The following CHD1L variants were observed in gnomAD, a reference collection of about 807,000 sequenced individuals.
CHD1L encodes chromodomain helicase DNA binding protein 1 like.
In CHD1L, 118 loss-of-function variants were observed where a neutral mutation model predicts 115.9. The ratio of observed to expected loss-of-function variants is 1.02; its 90% CI spans 0.88 to 1.19. The LOEUF (loss-of-function observed/expected upper bound fraction) is 1.19. Among genes scored for constraint, CHD1L ranks in the 50% most tolerant of loss-of-function variants. The pLI is 0.00. For missense variants in CHD1L, 1,179 were observed against 1,065.3 expected (o/e 1.11, Z -1.49); for synonymous variants, 411 against 387.1 (o/e 1.06, Z -0.72).
the CHD1L span, among the ~76,000 whole-genome samples, chr1:147,191,813 A>G: frequency 6.6e-6 from 1 of 152,080 alleles, no homozygotes; most frequent in Admixed American, 6.5e-5. Context: ...CAAAGATCAG[A>G]TGGTTGTAGA....
At chr1:147,265,192 G>A (rs188987256) in intron 7 of CHD1L, among the ~76,000 whole-genome samples, 65 of 152,170 alleles carry the variant, frequency 4.3e-4, no homozygotes, top group Non-Finnish European at 6.3e-4. Flanking sequence ...GTAAGTATGA[G>A]TTTGAGGGGG....
chr1:147,245,926 G>A (rs1304840685), intron 1 of CHD1L, among the ~76,000 whole-genome samples: 1 of 152,118 alleles, frequency 6.6e-6, no homozygotes, highest in Non-Finnish European at 1.5e-5. Context: ...ATCACATTGT[G>A]TACACTTGCA....
Position 147,264,574 on chromosome 1 carries a change from A to G in CHD1L, c.729A>G (p.Glu243=), listed in dbSNP as rs917381843. The change falls in exon 7 of 23, where the codon GAA becomes GAG. Residue 243 remains glutamate (E), a synonymous_variant. Transcript: ENST00000369258. The part of the protein sequence containing the change: ...FIQRYQDIEK[E]SESASELHKL... ...AACGCTACCAGGATATTGAGAAAGA[A>G]TCTGAGTCAGGCAAGTTCCTTTCCT... The G allele has an allele frequency of 6.2e-7, 1 of 1,613,096 alleles. No homozygotes were observed.
the CHD1L span, chr1:147,224,989 C>T: frequency 6.2e-7 from 1 of 1,614,088 alleles, no homozygotes; most frequent in African/African-American, 1.3e-5. Flanking sequence ...AGAGAGCCCG[C>T]TCACTCCTCC....
chr1:147,262,608 A>G (rs1166626214), intron 6 of CHD1L, among the ~76,000 whole-genome samples: 1 of 152,182 alleles, frequency 6.6e-6, no homozygotes, highest in Non-Finnish European at 1.5e-5. Context: ...GATTGGAAAC[A>G]TTACTTTTGA....
chr1:147,251,312 G>A (rs1236133081), intron 1 of CHD1L, among the ~76,000 whole-genome samples: 3 of 152,148 alleles, frequency 2.0e-5, no homozygotes, highest in Non-Finnish European at 4.4e-5. Flanking sequence ...AAGGTCCCTA[G>A]CCAGTCTGCT....
the CHD1L span, chr1:147,179,617 A>G: frequency 6.4e-7 from 1 of 1,559,398 alleles, no homozygotes; most frequent in Middle Eastern, 2.3e-4. Flanking sequence ...AAGGCACAGG[A>G]GGATCTCTAA....
At chr1:147,255,657 T>C (rs1669869930) in intron 3 of CHD1L, among the ~76,000 whole-genome samples, 156 bp from the exon 4 acceptor site, 1 of 152,168 alleles carries the variant, frequency 6.6e-6, no homozygotes. Context: ...GTTCAACCAT[T>C]TTTTTAGATA....
chr1:147,272,796 C>T (rs587772429), intron 12 of CHD1L, among the ~76,000 whole-genome samples: 28 of 151,354 alleles, frequency 1.8e-4, no homozygotes, highest in African/African-American at 5.8e-4. Flanking sequence ...GTGAATATTA[C>T]GACATTTGTA....
intron 13 of CHD1L, among the ~76,000 whole-genome samples, chr1:147,275,900 C>T (rs1678245905): frequency 6.6e-6 from 1 of 152,024 alleles, no homozygotes; most frequent in South Asian, 2.1e-4. Flanking sequence ...ATCATTCTTT[C>T]TTTGACTGTC....
chr1:147,274,559 T>C (rs1553955917), intron 12 of CHD1L, among the ~76,000 whole-genome samples: 1 of 151,746 alleles, frequency 6.6e-6, no homozygotes, highest in Non-Finnish European at 1.5e-5. Flanking sequence ...CAAGAGGGAG[T>C]CTGTTTTGTA....
the CHD1L span, among the ~76,000 whole-genome samples, chr1:147,226,704 C>T: frequency 6.6e-6 from 1 of 152,186 alleles, no homozygotes; most frequent in Admixed American, 6.5e-5. Context: ...TTTGCTCTTC[C>T]AATCTGCACC....
At chr1:147,294,316 G>A (rs912890897) in intron 21 of CHD1L, 93 bp from the exon 22 acceptor site, 23 of 746,930 alleles carry the variant, frequency 3.1e-5, no homozygotes, top group Non-Finnish European at 4.5e-5. Context: ...GGCTTTGAGG[G>A]AGATAGTCAA....
At chr1:147,186,880 G>A in the CHD1L span, 2 of 1,594,704 alleles carry the variant, frequency 1.3e-6, no homozygotes, top group Admixed American at 1.7e-5. Context: ...ATGAAAAACA[G>A]GGCAGTGACA....
intron 1 of CHD1L, among the ~76,000 whole-genome samples, chr1:147,243,994 C>A (rs587665067): frequency 6.6e-6 from 1 of 152,298 alleles, no homozygotes; most frequent in South Asian, 2.1e-4. Flanking sequence ...CTCCTTGATT[C>A]CCTGAGTCTG....
chr1:147,188,393 T>C, the CHD1L span, among the ~76,000 whole-genome samples: 1 of 151,634 alleles, frequency 6.6e-6, no homozygotes, highest in African/African-American at 2.4e-5. Context: ...GCGTTGTTAG[T>C]ATGCCTGTAG....
intron 13 of CHD1L, 37 bp from the exon 14 acceptor site, chr1:147,276,067 C>T: frequency 1.2e-6 from 2 of 1,609,836 alleles, no homozygotes; most frequent in African/African-American, 1.3e-5. Flanking sequence ...CTTTGCACAC[C>T]CTTATAGCAC....
intron 15 of CHD1L, among the ~76,000 whole-genome samples, chr1:147,281,446 A>G (rs1311565309): frequency 2.6e-5 from 4 of 152,110 alleles, no homozygotes; most frequent in Non-Finnish European, 4.4e-5. Flanking sequence ...TGTAGTAGGC[A>G]TGGATTGGGG....
At chr1:147,282,209 A>T (rs112880434) in intron 15 of CHD1L, among the ~76,000 whole-genome samples, 36 of 152,216 alleles carry the variant, frequency 2.4e-4, no homozygotes, top group African/African-American at 8.4e-4. Context: ...CATGGAGGGC[A>T]CCTTCTCTGA....
Sources: gnomAD v4.1 joint callset for allele counts (sites outside exome capture counted in the v4.1 genomes callset) on GRCh38, gnomAD v4.1.1 for gene constraint, MANE v1.5 for transcripts, NCBI Gene and HGNC (gene_info 2026-07-23, HGNC 2026-07-21) for gene names.